CEP162: variants seen among roughly 807,000 people sequenced by gnomAD.
CEP162 encodes centrosomal protein 162.
In CEP162, 141 loss-of-function variants were observed where a neutral mutation model predicts 169.2. The ratio of observed to expected loss-of-function variants is 0.83; its 90% CI spans 0.73 to 0.96. The LOEUF (loss-of-function observed/expected upper bound fraction) is 0.96, where lower values mean the gene tolerates loss of function less well. CEP162 is among the 40% of genes least tolerant of loss of function. The probability of loss-of-function intolerance (pLI) is 0.00; values close to 1 mark genes in which losing one functional copy is unlikely to be tolerated. For missense variants in CEP162, 1,600 were observed against 1,587.2 expected (o/e 1.01, Z -0.14); for synonymous variants, 540 against 526.4 (o/e 1.03, Z -0.35).
intron 11 of CEP162, among the ~76,000 whole-genome samples, chr6:84,191,887 G>C (rs2099540090): frequency 6.6e-6 from 1 of 152,180 alleles, no homozygotes; most frequent in South Asian, 2.1e-4. Flanking sequence ...GACCTAGTTA[G>C]CTAGATGTGC....
chr6:84,220,801 C>T (rs1211582488), intron 3 of CEP162, among the ~76,000 whole-genome samples: 1 of 152,012 alleles, frequency 6.6e-6, no homozygotes, highest in Non-Finnish European at 1.5e-5. Flanking sequence ...ATAAATATAC[C>T]TGAATTGTCA....
At chr6:84,208,019 ATTTTTTT>A (rs375738078) in intron 6 of CEP162, among the ~76,000 whole-genome samples, 9 of 132,902 alleles carry the variant, frequency 6.8e-5, no homozygotes, top group African/African-American at 2.2e-4. Flanking sequence ...AGGTTGATTG[ATTTTTTT>A]TTTTTTTTTT....
chr6:84,191,085 T>C (rs532551753), intron 11 of CEP162, among the ~76,000 whole-genome samples: 6 of 152,004 alleles, frequency 3.9e-5, no homozygotes, highest in Non-Finnish European at 5.9e-5. Context: ...TGGAATTCAC[T>C]GGGACCAAAG....
At chr6:84,125,930 A>G (rs73750516) in intron 26 of CEP162, among the ~76,000 whole-genome samples, 6,664 of 152,260 alleles carry the variant, frequency 0.044, 470 homozygotes, top group African/African-American at 0.15. Flanking sequence ...AAAACACATC[A>G]TGCCCTTACA....
chr6:84,140,206 A>C (rs1280215208), intron 25 of CEP162, among the ~76,000 whole-genome samples: 1 of 152,070 alleles, frequency 6.6e-6, no homozygotes, highest in Non-Finnish European at 1.5e-5. Flanking sequence ...AGCTCAGGGG[A>C]GTTTGTCTTA....
chr6:84,178,229 A>T (rs2099533181), intron 13 of CEP162, among the ~76,000 whole-genome samples: 1 of 152,296 alleles, frequency 6.6e-6, no homozygotes, highest in South Asian at 2.1e-4. Context: ...AATGTTAAAA[A>T]ATTGTTACGT....
chr6:84,218,796 A>T (rs1375272329), intron 3 of CEP162, among the ~76,000 whole-genome samples: 1 of 152,192 alleles, frequency 6.6e-6, no homozygotes, highest in Non-Finnish European at 1.5e-5. Context: ...AAAAATCAAG[A>T]GAGAGATTCA....
In CEP162 at chr6:84,221,055, A is replaced by G. The variant is rs1249997230; in HGVS notation, c.172+2T>C. ...TTGAAACTAAAAATCAGCAACATTTACCATCATCTTTAAAATCATCTTCAG... is the reference window on the plus strand; with the variant it reads ...TTGAAACTAAAAATCAGCAACATTTGCCATCATCTTTAAAATCATCTTCAG... On this transcript the variant is annotated splice_donor_variant, in intron 3 of 26. Transcript: ENST00000403245. LOFTEE classifies it high-confidence loss of function. 9 of 1,489,294 alleles carry G rather than the reference A, an allele frequency of 6.0e-6. No homozygotes were observed. Among genetic ancestry groups the G allele is most frequent in the Non-Finnish European group, 8.4e-6 (9 of 1,069,494 alleles). The allele number at this position is 1,489,294 out of a possible 1,614,324, so 92.3% of individuals were successfully genotyped here. A position where few individuals can be genotyped will look rare whatever the true frequency, so the allele number is the denominator to read the frequency against.
chr6:84,221,021 T>G (rs767250887), intron 3 of CEP162, 36 bp downstream of exon 3: 1 of 1,140,766 alleles, frequency 8.8e-7, no homozygotes, highest in Admixed American at 1.8e-5. Context: ...CCCCTTGTGG[T>G]CAAATAATTT....
At chr6:84,128,117 A>G (rs1303652147) in intron 25 of CEP162, among the ~76,000 whole-genome samples, 1 of 152,228 alleles carries the variant, frequency 6.6e-6, no homozygotes. Context: ...TGCCCATGGC[A>G]GAGAGGTAGG....
At chr6:84,217,222 CAATAAGTAA>C (rs1562096188) in intron 3 of CEP162, among the ~76,000 whole-genome samples, 1 of 151,966 alleles carries the variant, frequency 6.6e-6, no homozygotes, top group Non-Finnish European at 1.5e-5. Flanking sequence ...TTGAGGCAGG[CAATAAGTAA>C]AATAAGTAAG....
chr6:84,186,291 G>A (rs560879853), intron 12 of CEP162, 41 bp downstream of exon 12: 10 of 1,131,706 alleles, frequency 8.8e-6, no homozygotes, highest in Admixed American at 4.0e-5. Flanking sequence ...ACATAACTTC[G>A]GTTCTCAATC....
Position 84,169,264 on chromosome 6 carries a change from T to C in CEP162, c.2385+64A>G, listed in dbSNP as rs1011715621. ...TGTAATTTTTTAATAAAAATTTGTA[T>C]AAAAATGGGGATTTTTATAAAACCT... On this transcript the variant is annotated intron_variant, in intron 18 of 26. Coordinates refer to ENST00000403245, the MANE Select transcript of CEP162 (RefSeq NM_014895.4). The C allele has an allele frequency of 3.5e-5, 31 of 896,344 alleles. 1 individual carries two copies. The Admixed American group carries it at 3.8e-4, about 11-fold the overall frequency. 55.5% of individuals were successfully genotyped at this position (896,344 alleles called of 1,614,324 possible). A position where few individuals can be genotyped will look rare whatever the true frequency, so the allele number is the denominator to read the frequency against.
At chr6:84,157,511 A>G (rs2099523699) in intron 21 of CEP162, among the ~76,000 whole-genome samples, 1 of 151,926 alleles carries the variant, frequency 6.6e-6, no homozygotes. Context: ...TGTCTCTACT[A>G]AAAAAATACA....
intron 25 of CEP162, among the ~76,000 whole-genome samples, chr6:84,143,599 A>G (rs1484589019): frequency 6.6e-6 from 1 of 152,004 alleles, no homozygotes; most frequent in Non-Finnish European, 1.5e-5. Context: ...GAACAAAAAA[A>G]TGAATGAATG....
chr6:84,196,227 G>A (rs1463805849), intron 9 of CEP162, among the ~76,000 whole-genome samples: 3 of 152,146 alleles, frequency 2.0e-5, no homozygotes, highest in South Asian at 2.1e-4. Flanking sequence ...GATAGTGAAC[G>A]AGTCTCATGA....
chr6:84,149,411 A>T, intron 24 of CEP162, 151 bp downstream of exon 24: 1 of 434,554 alleles, frequency 2.3e-6, no homozygotes, highest in Non-Finnish European at 3.8e-6. Flanking sequence ...TATCTTCTTT[A>T]AAAAAGAAAT....
chr6:84,169,661 T>C (rs903379688), intron 17 of CEP162, among the ~76,000 whole-genome samples: 3 of 152,168 alleles, frequency 2.0e-5, no homozygotes, highest in African/African-American at 7.2e-5. Flanking sequence ...AAACCTAAGA[T>C]TATTGGTTTA....
At chr6:84,202,522 T>C (rs377109409) in intron 7 of CEP162, among the ~76,000 whole-genome samples, 7 of 115,094 alleles carry the variant, frequency 6.1e-5, no homozygotes, top group South Asian at 3.3e-4. Flanking sequence ...TTCTTTCTTT[T>C]TTTTTTTTTT....
Sources: allele counts gnomAD v4.1 joint callset (sites outside exome capture counted in the v4.1 genomes callset), GRCh38; gene constraint gnomAD v4.1.1; transcripts MANE v1.5; gene names NCBI Gene and HGNC (gene_info 2026-07-23, HGNC 2026-07-21).